Variants in TCF4 observed in about 807,000 individuals in gnomAD.
TCF4 encodes the protein transcription factor 4.
In TCF4, 3 loss-of-function variants were observed where a neutral mutation model predicts 82.1. The observed-to-expected ratio is 0.04, with a 90% CI of 0.02 to 0.09. The LOEUF (loss-of-function observed/expected upper bound fraction) is 0.09, where lower values mean the gene tolerates loss of function less well. TCF4 is among the 10% of genes least tolerant of loss of function. The pLI, the probability that TCF4 is intolerant of heterozygous loss-of-function variation, is 1.00. For missense variants in TCF4, 518 were observed against 852.7 expected (o/e 0.61, Z 4.89); for synonymous variants, 276 against 309.6 (o/e 0.89, Z 1.14).
rs139802516 is a variant in TCF4, at chr18:55,417,298, G to T, written c.305-13780C>A. Among the ~76,000 whole-genome samples the T allele has an allele frequency of 3.3e-5, 5 of 152,154 alleles. No homozygotes were observed. In the East Asian group the frequency reaches 9.7e-4, roughly 29 times the overall value. On this transcript the variant is annotated intron_variant, in intron 5 of 19. Coordinates refer to ENST00000354452, the MANE Select transcript of TCF4 (RefSeq NM_001083962.2). ...TAGACATGGCCATTTTTACCAAATG[G>T]AGTTTCAAAGATGAGGACCTGCAGC...
At chr18:55,312,257 G>A (rs2072722610) in intron 8 of TCF4, among the ~76,000 whole-genome samples, 1 of 152,134 alleles carries the variant, frequency 6.6e-6, no homozygotes, top group Non-Finnish European at 1.5e-5. Context: ...TCCTGAAAAG[G>A]TAAACATTTA....
chr18:55,549,353 G>C (rs966863681), intron 3 of TCF4, among the ~76,000 whole-genome samples: 2 of 151,742 alleles, frequency 1.3e-5, no homozygotes, highest in East Asian at 1.9e-4. Flanking sequence ...ATTGACCTTA[G>C]CTTACTCTAA....
At chr18:55,539,442 T>C (rs145423097) in intron 3 of TCF4, among the ~76,000 whole-genome samples, 1 of 152,262 alleles carries the variant, frequency 6.6e-6, no homozygotes, top group East Asian at 1.9e-4. Context: ...CCACAAGCCA[T>C]AAAATTAATG....
At chr18:55,618,077 A>G (rs916220896) in intron 2 of TCF4, among the ~76,000 whole-genome samples, 1 of 152,136 alleles carries the variant, frequency 6.6e-6, no homozygotes, top group African/African-American at 2.4e-5. Flanking sequence ...AATGTTAGCT[A>G]TGGGCTTGTC....
chr18:55,232,354 C>T (rs1193151097), intron 17 of TCF4, 155 bp downstream of exon 17: 3 of 780,836 alleles, frequency 3.8e-6, no homozygotes, highest in Admixed American at 2.5e-5. Flanking sequence ...GTATCTGAAA[C>T]GATACTTTTA....
intron 5 of TCF4, among the ~76,000 whole-genome samples, chr18:55,424,823 T>C (rs987346920): frequency 5.3e-5 from 8 of 152,238 alleles, no homozygotes; most frequent in Admixed American, 6.5e-5. Context: ...ACTCAAAATA[T>C]TGAAAATGGA....
intron 3 of TCF4, chr18:55,510,754 C>G: frequency 7.6e-7 from 1 of 1,321,004 alleles, no homozygotes; most frequent in Non-Finnish European, 9.7e-7. Flanking sequence ...TCCATGGAAA[C>G]AGAACATGAG....
At chr18:55,343,294 G>A (rs1476610452) in intron 8 of TCF4, among the ~76,000 whole-genome samples, 1 of 152,094 alleles carries the variant, frequency 6.6e-6, no homozygotes, top group South Asian at 2.1e-4. Context: ...TATGAAGAGA[G>A]CTTCACTACG....
At chr18:55,412,106 A>C (rs994204194) in intron 5 of TCF4, among the ~76,000 whole-genome samples, 1 of 152,156 alleles carries the variant, frequency 6.6e-6, no homozygotes, top group African/African-American at 2.4e-5. Context: ...CAAGCAACCA[A>C]TTTAAGTGAT....
At chr18:55,365,191 A>ATATATATATATATATGTG (rs1361444592) in intron 6 of TCF4, among the ~76,000 whole-genome samples, 24 of 97,916 alleles carry the variant, frequency 2.5e-4, no homozygotes, top group South Asian at 9.7e-4. Flanking sequence ...ATATATATAT[A>ATATATATATATATATGTG]TGTGTGTGTG....
At chr18:55,299,850 C>T (rs1308392873) in intron 8 of TCF4, among the ~76,000 whole-genome samples, 1 of 152,136 alleles carries the variant, frequency 6.6e-6, no homozygotes, top group Non-Finnish European at 1.5e-5. Flanking sequence ...GTACCCCCTA[C>T]CATCACAAAT....
At chr18:55,555,472 G>A (rs1355033241) in intron 3 of TCF4, among the ~76,000 whole-genome samples, 2 of 152,060 alleles carry the variant, frequency 1.3e-5, no homozygotes, top group Admixed American at 1.3e-4. Context: ...TCAGAAATAC[G>A]ACTTTTAGAT....
chr18:55,365,726 C>T (rs921635100), intron 6 of TCF4, among the ~76,000 whole-genome samples: 6 of 151,958 alleles, frequency 3.9e-5, no homozygotes, highest in African/African-American at 1.2e-4. Context: ...ATAGTGAAAC[C>T]CCATCTCTAC....
chr18:55,440,275 T>C (rs2147317942), intron 5 of TCF4, among the ~76,000 whole-genome samples: 1 of 152,356 alleles, frequency 6.6e-6, no homozygotes, highest in Non-Finnish European at 1.5e-5. Context: ...GATGCGGGTA[T>C]GTTTTTCCTC....
intron 3 of TCF4, among the ~76,000 whole-genome samples, chr18:55,509,483 C>A (rs535168649): frequency 1.7e-4 from 26 of 152,184 alleles, no homozygotes; most frequent in Non-Finnish European, 3.4e-4. Context: ...GACAGTACAG[C>A]ATGTAGAGGC....
intron 3 of TCF4, among the ~76,000 whole-genome samples, chr18:55,511,504 T>C (rs529153731): frequency 1.3e-5 from 2 of 152,216 alleles, no homozygotes; most frequent in South Asian, 4.1e-4. Context: ...AAATGGCAAC[T>C]TTTATTTTAC....
intron 8 of TCF4, among the ~76,000 whole-genome samples, chr18:55,312,849 T>G (rs948345333): frequency 6.6e-6 from 1 of 151,494 alleles, no homozygotes; most frequent in African/African-American, 2.5e-5. Flanking sequence ...CTTATTTAAG[T>G]TTTTAATACG....
intron 10 of TCF4, 152 bp downstream of exon 10, chr18:55,275,467 T>C (rs1036471797): frequency 4.0e-6 from 4 of 1,001,608 alleles, no homozygotes; most frequent in Non-Finnish European, 6.1e-6. Context: ...CTGTTATGTC[T>C]TTGATCACAG....
chr18:55,287,946 A>G (rs1184569926), intron 8 of TCF4, among the ~76,000 whole-genome samples: 1 of 130,008 alleles, frequency 7.7e-6, no homozygotes, highest in Non-Finnish European at 1.6e-5. Context: ...TACAAGGGGG[A>G]AAAAAAACCC....
Sources: gnomAD v4.1 joint callset for allele counts (sites outside exome capture counted in the v4.1 genomes callset) on GRCh38, gnomAD v4.1.1 for gene constraint, MANE v1.5 for transcripts, NCBI Gene and HGNC (gene_info 2026-07-23, HGNC 2026-07-21) for gene names.